The following GDPD5 variants were observed in gnomAD, a reference collection of about 807,000 sequenced individuals.
The protein encoded by GDPD5 is glycerophosphodiester phosphodiesterase 2.
In GDPD5, 48 loss-of-function variants were observed where a neutral mutation model predicts 75.1. That is an observed-to-expected ratio of 0.64 (90% confidence interval 0.51 to 0.81). GDPD5 has a LOEUF of 0.81. Among genes scored for constraint, GDPD5 ranks in the 40% least tolerant of loss-of-function variants. GDPD5 has a pLI of 0.00. For missense variants in GDPD5, 706 were observed against 822.6 expected (o/e 0.86, Z 1.73); for synonymous variants, 336 against 339.0 (o/e 0.99, Z 0.10).
Position 75,476,204 on chromosome 11 carries a change from G to A in GDPD5, c.117+1415C>T, listed in dbSNP as rs539986859. Among the ~76,000 whole-genome samples the A allele has an allele frequency of 5.9e-5, 9 of 152,126 alleles. No individual in the cohort carries two copies. In the East Asian group the frequency reaches 1.4e-3, roughly 23 times the overall value. ...GTGTGGAGCACGGTAGAGTGGTCAC[G>A]GGATTCTGAAGCCAAGATCACAACC... is the stretch of plus-strand genomic sequence containing the variant. On this transcript the variant is annotated intron_variant, in intron 3 of 16. Transcript: ENST00000336898.
intron 2 of GDPD5, among the ~76,000 whole-genome samples, chr11:75,487,937 T>A (rs917752029): frequency 2.6e-5 from 4 of 152,230 alleles, no homozygotes; most frequent in African/African-American, 9.6e-5. Context: ...CCTCATTGAA[T>A]AATTCAACTG....
chr11:75,441,333 G>A (rs775937690), intron 13 of GDPD5, 23 bp from the exon 14 acceptor site: 23 of 1,613,760 alleles, frequency 1.4e-5, no homozygotes, highest in Admixed American at 1.7e-5. Context: ...GGAGAGGCAG[G>A]TCAGCATGCG....
intron 3 of GDPD5, among the ~76,000 whole-genome samples, chr11:75,471,283 G>A (rs1949658739): frequency 6.6e-6 from 1 of 152,180 alleles, no homozygotes; most frequent in South Asian, 2.1e-4. Context: ...TGGGGGAGGT[G>A]GTGGCCTGGG....
rs1457794168 is a variant in GDPD5 at position 75,512,874 on chromosome 11, G to A, written c.-145+12336C>T. Among the ~76,000 whole-genome samples the A allele has an allele frequency of 3.3e-5, 5 of 152,312 alleles. 1 individual carries two copies. In the Middle Eastern group the frequency reaches 0.01, roughly 311 times the overall value. On this transcript the variant is annotated intron_variant, in intron 1 of 16. Coordinates refer to ENST00000336898, the MANE Select transcript of GDPD5 (RefSeq NM_030792.8). The stretch of plus-strand genomic sequence containing the variant: ...AGGTTGCAGCCTGGGCAACAAGAGC[G>A]AAACTCTGTCTCAAAAAAGAAAGAA...
At chr11:75,444,121 C>G (rs898522746) in intron 10 of GDPD5, among the ~76,000 whole-genome samples, 2 of 152,202 alleles carry the variant, frequency 1.3e-5, no homozygotes, top group African/African-American at 4.8e-5. Flanking sequence ...GAATGTATCA[C>G]TCTGCAACTT....
At chr11:75,467,426 G>A (rs1592100395) in intron 3 of GDPD5, among the ~76,000 whole-genome samples, 1 of 152,262 alleles carries the variant, frequency 6.6e-6, no homozygotes, top group East Asian at 1.9e-4. Flanking sequence ...ACAAGGTGGT[G>A]GTCACCTATG....
intron 2 of GDPD5, 169 bp from the exon 3 acceptor site, chr11:75,477,964 C>T: frequency 2.7e-6 from 1 of 374,602 alleles, no homozygotes; most frequent in East Asian, 3.9e-5. Flanking sequence ...CCCCAAGGAC[C>T]TGTCCTCTGC....
At chr11:75,450,059 G>C in intron 6 of GDPD5, 76 bp from the exon 7 acceptor site, 1 of 1,235,338 alleles carries the variant, frequency 8.1e-7, no homozygotes, top group Non-Finnish European at 1.2e-6. Flanking sequence ...AGAGGAGCCA[G>C]AGGGAGAGAC....
chr11:75,506,428 G>A (rs1357109210), intron 1 of GDPD5, among the ~76,000 whole-genome samples: 1 of 152,156 alleles, frequency 6.6e-6, no homozygotes, highest in Non-Finnish European at 1.5e-5. Flanking sequence ...GAGGACCCAG[G>A]GTAGCCTCTT....
intron 7 of GDPD5, 91 bp from the exon 8 acceptor site, chr11:75,449,701 G>GGTTGCCTGCCT: frequency 7.1e-7 from 1 of 1,404,820 alleles, no homozygotes; most frequent in Non-Finnish European, 9.9e-7. Context: ...TATGAGGCAG[G>GGTTGCCTGCCT]CAACCCTGTC....
Position 75,440,157 on chromosome 11 carries a change from G to A in GDPD5, c.1474-196C>T, listed in dbSNP as rs542024121. On this transcript the variant is annotated intron_variant, in intron 14 of 16. Coordinates refer to ENST00000336898, the MANE Select transcript of GDPD5 (RefSeq NM_030792.8). ...GCGCTGTGGGCCTGGGGGCCGGGGC[G>A]TGTGTGTGCACACGTGTGCACTCTC... 9.3e-4 allele frequency among the ~76,000 whole-genome samples: 142 copies of A among 152,298 alleles called. 1 individual carries two copies. Among genetic ancestry groups the A allele is most frequent in the Non-Finnish European group, 1.6e-3 (106 of 68,012 alleles).
At chr11:75,448,867 T>G (rs1949054138) in intron 9 of GDPD5, 110 bp downstream of exon 9, 2 of 1,331,040 alleles carry the variant, frequency 1.5e-6, no homozygotes, top group South Asian at 3.6e-5. Context: ...GTACCTCCCC[T>G]CAAAAAGCTA....
chr11:75,441,502 T>C, intron 13 of GDPD5, 144 bp downstream of exon 13: 1 of 1,115,694 alleles, frequency 9.0e-7, no homozygotes. Flanking sequence ...CTTTGAACCA[T>C]GTGTGCCTGA....
intron 1 of GDPD5, among the ~76,000 whole-genome samples, chr11:75,497,268 T>C (rs1950228042): frequency 6.6e-6 from 1 of 152,040 alleles, no homozygotes; most frequent in Non-Finnish European, 1.5e-5. Flanking sequence ...GAGCTAAAGG[T>C]GTAGACAAAC....
intron 1 of GDPD5, among the ~76,000 whole-genome samples, chr11:75,502,912 G>A (rs1950324710): frequency 6.6e-6 from 1 of 152,248 alleles, no homozygotes; most frequent in South Asian, 2.1e-4. Context: ...CCCCACTCTA[G>A]ACGCCACCTG....
Position 75,525,825 on chromosome 11 carries a change from G to A in GDPD5, c.-760C>T, listed in dbSNP as rs1941645739. On this transcript the variant is annotated 5_prime_UTR_variant, in exon 1 of 17. Coordinates refer to ENST00000336898, the MANE Select transcript of GDPD5 (RefSeq NM_030792.8). ...GGCCGACTCCCGAGCTCCCGGCCGCGGCTCCACTTCCTCCTCTTCCCCTGC... is the reference window on the plus strand; with the variant it reads ...GGCCGACTCCCGAGCTCCCGGCCGCAGCTCCACTTCCTCCTCTTCCCCTGC... 6.6e-6 allele frequency: 1 copy of A among 151,340 alleles called. No homozygotes were observed. Among genetic ancestry groups the A allele is most frequent in the Non-Finnish European group, 1.5e-5 (1 of 67,762 alleles). The allele number at this position is 151,340 out of a possible 1,614,324, so 9.4% of individuals were successfully genotyped here. A position where few individuals can be genotyped will look rare whatever the true frequency, so the allele number is the denominator to read the frequency against.
intron 3 of GDPD5, among the ~76,000 whole-genome samples, chr11:75,467,601 A>G (rs771814146): frequency 6.6e-6 from 1 of 152,006 alleles, no homozygotes; most frequent in Non-Finnish European, 1.5e-5. Flanking sequence ...TGGGGTAGGC[A>G]CCAGGAGGAG....
chr11:75,509,420 G>C (rs1467152817), intron 1 of GDPD5, among the ~76,000 whole-genome samples: 1 of 152,192 alleles, frequency 6.6e-6, no homozygotes, highest in Non-Finnish European at 1.5e-5. Context: ...GTACCAGCAG[G>C]GGCAGCTTGC....
At chr11:75,513,967 C>T (rs1244241904) in intron 1 of GDPD5, among the ~76,000 whole-genome samples, 2 of 152,214 alleles carry the variant, frequency 1.3e-5, no homozygotes, top group East Asian at 1.9e-4. Context: ...TCAAGCCAGT[C>T]ACCTCACCTG....
Sources: allele counts gnomAD v4.1 joint callset (sites outside exome capture counted in the v4.1 genomes callset), GRCh38; gene constraint gnomAD v4.1.1; transcripts MANE v1.5; gene names NCBI Gene and HGNC (gene_info 2026-07-23, HGNC 2026-07-21).